SAYSD1: variants seen among roughly 807,000 people sequenced by gnomAD.
SAYSD1 encodes SAYSvFN domain-containing protein 1.
A neutral mutation model predicts 14.5 loss-of-function variants in SAYSD1; 15 were observed. That is an observed-to-expected ratio of 1.03 (90% CI 0.69 to 1.59). SAYSD1 has a LOEUF of 1.59. Ranked by LOEUF, SAYSD1 falls within the 40% of genes most tolerant of loss-of-function variation. The probability of loss-of-function intolerance (pLI) is 0.00; values close to 1 mark genes in which losing one functional copy is unlikely to be tolerated. For synonymous variants in SAYSD1, 105 were observed against 102.6 expected, an observed-to-expected ratio of 1.02 and a Z score of -0.14; for missense variants, 247 against 227.3, an observed-to-expected ratio of 1.09 and a Z score of -0.56.
intron 1 of SAYSD1, chr6:39,109,596 C>T: frequency 7.3e-7 from 1 of 1,364,208 alleles, no homozygotes; most frequent in Admixed American, 3.1e-5. Context: ...TGTGCATATA[C>T]ATTACAGTTT....
chr6:39,105,546 CTCTT>C lies in SAYSD1; in HGVS notation c.434_437del (p.Lys145ArgfsTer21). On this transcript the variant is annotated frameshift_variant, in exon 2 of 2. Transcript: ENST00000229903. LOFTEE classifies it high-confidence loss of function. ...ACACAGAGTAGGCGCTCTTCTCTCCCTCTTTCTTCTCTTCAGGGCCTCGTGTCCC... is the reference window on the plus strand; with the variant it reads ...ACACAGAGTAGGCGCTCTTCTCTCCCTCTTCTCTTCAGGGCCTCGTGTCCC... 6.2e-7 allele frequency: 1 copy of C among 1,614,238 alleles called. No homozygotes were observed. Among genetic ancestry groups the C allele is most frequent in the South Asian group, 1.1e-5 (1 of 91,090 alleles).
Position 39,115,062 on chromosome 6 carries a change from C to T in SAYSD1, c.28G>A (p.Ala10Thr). ...GCCAGACCCGCCCGTTTCCGCGCCG[C>T]CCGAAACTCAGCTAACCGCTGTTCC... The part of the protein sequence containing the change: MEQRLAEFR[A>T]ARKRAGLAAQ... Residue 10 changes from alanine to threonine, a missense_variant, in exon 1 of 2, where the codon GCG (alanine) becomes ACG (threonine). Physicochemically the swap from Ala to Thr is moderately conservative, Grantham distance 58. Coordinates refer to ENST00000229903, the MANE Select transcript of SAYSD1 (RefSeq NM_018322.3). 1 of 1,609,776 alleles carries T rather than the reference C, an allele frequency of 6.2e-7. No homozygotes were observed. Among genetic ancestry groups the T allele is most frequent in the Non-Finnish European group, 8.5e-7 (1 of 1,179,790 alleles).
chr6:39,110,179 T>A (rs1023298256), intron 1 of SAYSD1: 2 of 152,298 alleles, frequency 1.3e-5, no homozygotes, highest in African/African-American at 2.4e-5. Context: ...GAATGAATAC[T>A]ACAGTTTCTG....
At chr6:39,112,080 A>G (rs1769636688) in intron 1 of SAYSD1, 1 of 151,636 alleles carries the variant, frequency 6.6e-6, no homozygotes, top group Non-Finnish European at 1.5e-5. Flanking sequence ...ATACTTTAAG[A>G]AAAAAAAAGA....
Position 39,107,060 on chromosome 6 carries a change from G to C in SAYSD1, c.208-1284C>G, listed in dbSNP as rs550753540. ...CTACTTTAAAAACATTTTTAATAGG[G>C]AACAAGATCTTCTATATTAATTTCA... On this transcript the variant is annotated intron_variant, in intron 1 of 1. Transcript: ENST00000229903. Among the ~76,000 whole-genome samples the C allele has an allele frequency of 2.0e-5, 3 of 152,206 alleles. No homozygotes were observed. In the East Asian group the frequency reaches 5.8e-4, roughly 29 times the overall value.
chr6:39,112,632 G>A (rs926811990), intron 1 of SAYSD1: 11 of 152,234 alleles, frequency 7.2e-5, no homozygotes, highest in Middle Eastern at 3.2e-3. Flanking sequence ...GTTTTATAAA[G>A]TGTACAAAAG....
chr6:39,112,802 G>A (rs1391751992), intron 1 of SAYSD1: 2 of 152,290 alleles, frequency 1.3e-5, no homozygotes, highest in Admixed American at 1.3e-4. Flanking sequence ...TGTCTTGAGA[G>A]TGAAAAGGAA....
intron 1 of SAYSD1, among the ~76,000 whole-genome samples, chr6:39,114,361 C>T (rs529835752): frequency 2.6e-5 from 4 of 152,216 alleles, no homozygotes; most frequent in Admixed American, 6.5e-5. Flanking sequence ...TAAGCTTCTG[C>T]CACTACCGGC....
chr6:39,109,514 A>C, intron 1 of SAYSD1: 1 of 1,462,884 alleles, frequency 6.8e-7, no homozygotes, highest in Non-Finnish European at 9.0e-7. Flanking sequence ...GCTTGGCCCA[A>C]ATGGAGGCCG....
rs3840 is a variant in SAYSD1 at position 39,105,222 on chromosome 6, G to A, written c.*210C>T. The A allele has an allele frequency of 5.8e-3, 3,164 of 547,930 alleles. 18 individuals are homozygous for A. The highest frequency in any genetic ancestry group is 0.015 in the Middle Eastern group (31 of 2,056). 33.9% of individuals were successfully genotyped at this position (547,930 alleles called of 1,614,324 possible). ...GTACATAATTTTTATAAATTGCGTC[G>A]GACCCACAGTGAATGTATTTTAGAG... On this transcript the variant is annotated 3_prime_UTR_variant, in exon 2 of 2. Coordinates refer to ENST00000229903, the MANE Select transcript of SAYSD1 (RefSeq NM_018322.3).
At position 39,105,315 on chromosome 6, in the gene SAYSD1, G is replaced by A. The variant is rs1270511738; in HGVS notation, c.*117C>T. The A allele has an allele frequency of 1.3e-6, 1 of 760,346 alleles. No homozygotes were observed. The highest frequency in any genetic ancestry group is 2.2e-6 in the Non-Finnish European group (1 of 461,928). The allele number at this position is 760,346 out of a possible 1,614,324, so 47.1% of individuals were successfully genotyped here. On this transcript the variant is annotated 3_prime_UTR_variant, in exon 2 of 2. Transcript: ENST00000229903. ...CAGGGAAAGAAGGTAGAAAAACTAT[G>A]CAGTCACAGAGCTAACCCGCAAGCT...
At chr6:39,110,840 C>T (rs1159157604) in intron 1 of SAYSD1, 1 of 151,890 alleles carries the variant, frequency 6.6e-6, no homozygotes, top group Non-Finnish European at 1.5e-5. Flanking sequence ...TATGTATGAA[C>T]AGACTGCAGA....
chr6:39,110,503 A>C (rs1041712074), intron 1 of SAYSD1: 3 of 152,822 alleles, frequency 2.0e-5, no homozygotes, highest in Admixed American at 1.3e-4. Flanking sequence ...GCACCAACCC[A>C]GATCTTATGG....
rs756967804 is a variant in SAYSD1, at chr6:39,105,533, C to T, written c.451G>A (p.Ala151Thr). 1.1e-5 allele frequency: 18 copies of T among 1,614,232 alleles called. No individual in the cohort carries two copies. Among genetic ancestry groups the T allele is most frequent in the South Asian group, 3.3e-5 (3 of 91,088 alleles). Residue 151 changes from alanine (A) to threonine (T), a missense_variant, in exon 2 of 2, where the codon GCC becomes ACC. Transcript: ENST00000229903. ...PEEKKEGEKSAYSVFNPGCEA... is the reference protein window; with the variant it reads ...PEEKKEGEKSTYSVFNPGCEA... Reference sequence around the variant, plus strand: ...CAGCCTGGATTGAACACAGAGTAGGCGCTCTTCTCTCCCTCTTTCTTCTCT... The same window carrying T: ...CAGCCTGGATTGAACACAGAGTAGGTGCTCTTCTCTCCCTCTTTCTTCTCT...
At chr6:39,114,308 C>T (rs995155190) in intron 1 of SAYSD1, among the ~76,000 whole-genome samples, 1 of 152,164 alleles carries the variant, frequency 6.6e-6, no homozygotes, top group African/African-American at 2.4e-5. Flanking sequence ...TACTAAATCA[C>T]TTTTTTTTGT....
At position 39,105,765 on chromosome 6, in the gene SAYSD1, C is replaced by T; in HGVS notation, c.219G>A (p.Gln73=). 6.2e-7 allele frequency: 1 copy of T among 1,613,446 alleles called. No individual in the cohort carries two copies. The highest frequency in any genetic ancestry group is 8.5e-7 in the Non-Finnish European group (1 of 1,179,502). ...AQPGLVQEAA[Q]PQGSTSETPW... Reference sequence around the variant, plus strand: ...GTGTCTCTGATGTGCTGCCCTGGGGCTGAGCCGCTTCCTAGGATACACAAA... The same window carrying T: ...GTGTCTCTGATGTGCTGCCCTGGGGTTGAGCCGCTTCCTAGGATACACAAA... Residue 73 remains glutamine, a synonymous_variant, in exon 2 of 2, where the codon CAG becomes CAA. Coordinates refer to ENST00000229903, the MANE Select transcript of SAYSD1 (RefSeq NM_018322.3).
Position 39,115,009 on chromosome 6 carries a change from GC to G in SAYSD1, c.80del (p.Gly27AlafsTer15). 1.2e-6 allele frequency: 2 copies of G among 1,613,596 alleles called. No individual in the cohort carries two copies. Among genetic ancestry groups the G allele is most frequent in the Non-Finnish European group, 1.7e-6 (2 of 1,179,904 alleles). On this transcript the variant is annotated frameshift_variant, in exon 1 of 2. Coordinates refer to ENST00000229903, the MANE Select transcript of SAYSD1 (RefSeq NM_018322.3). LOFTEE classifies it high-confidence loss of function. The stretch of plus-strand genomic sequence containing the variant: ...CCGCCTTCTCTCCTGGGGTTTGTGC[GC>G]CCTGACTGGCAGCAGGGGGTTGGGC... ...LAAQPPAASQ[G>X]AQTPGEKAEA...
At chr6:39,112,107 T>C (rs1769638055) in intron 1 of SAYSD1, 1 of 152,142 alleles carries the variant, frequency 6.6e-6, no homozygotes, top group Admixed American at 6.5e-5. Flanking sequence ...GCATGAAAAT[T>C]GCTTGTTGAA....
chr6:39,112,011 A>G (rs370223269), intron 1 of SAYSD1: 14 of 152,352 alleles, frequency 9.2e-5, no homozygotes, highest in African/African-American at 3.1e-4. Context: ...AAGTTGAAGT[A>G]AAAGAACAGC....
Sources: gnomAD v4.1 joint callset for allele counts (sites outside exome capture counted in the v4.1 genomes callset) on GRCh38, gnomAD v4.1.1 for gene constraint, MANE v1.5 for transcripts, NCBI Gene and HGNC (gene_info 2026-07-23, HGNC 2026-07-21) for gene names.